Variants in TTLL6 observed in about 807,000 individuals in gnomAD.
TTLL6 encodes the protein tubulin tyrosine ligase like 6.
A neutral mutation model predicts 96.4 loss-of-function variants in TTLL6; 75 were observed. The observed-to-expected ratio is 0.78, with a 90% CI of 0.65 to 0.94. The LOEUF is 0.94. Ranked by LOEUF, TTLL6 falls within the 40% of genes least tolerant of loss-of-function variation. TTLL6 has a pLI of 0.00. For missense variants in TTLL6, 1,030 were observed against 1,093.0 expected (o/e 0.94, Z 0.81); for synonymous variants, 411 against 419.4 (o/e 0.98, Z 0.24).
rs553338784 is a variant in TTLL6 at position 48,762,635 on chromosome 17, C to T, written c.*339G>A. ...GAGTCCTTCTCTGAAACACTACTCC[C>T]GAAGTTGCTTTATCTGGGGGAGTAT... On this transcript the variant is annotated 3_prime_UTR_variant, in exon 16 of 16. Transcript: ENST00000393382. The T allele has an allele frequency of 1.9e-5, 4 of 214,026 alleles. No individual in the cohort carries two copies. The South Asian group carries it at 1.9e-4, about 10-fold the overall frequency. The allele number at this position is 214,026 out of a possible 1,614,324, so 13.3% of individuals were successfully genotyped here.
chr17:48,784,727 C>T (rs533380497), intron 13 of TTLL6, among the ~76,000 whole-genome samples, 196 bp downstream of exon 13: 4 of 152,154 alleles, frequency 2.6e-5, no homozygotes, highest in South Asian at 2.1e-4. Flanking sequence ...CAAGAGGGGA[C>T]GCACAAGAGC....
chr17:48,802,031 G>A (rs1290319326), intron 3 of TTLL6, among the ~76,000 whole-genome samples: 1 of 144,490 alleles, frequency 6.9e-6, no homozygotes, highest in Non-Finnish European at 1.5e-5. Context: ...GGCAACAGGA[G>A]ACCCTGTCAA....
At chr17:48,776,242 G>A (rs1053323521) in intron 13 of TTLL6, among the ~76,000 whole-genome samples, 7 of 152,104 alleles carry the variant, frequency 4.6e-5, no homozygotes, top group Admixed American at 6.5e-5. Context: ...CAAGGTGGGC[G>A]GATCACGAGG....
At chr17:48,797,351 C>A in intron 6 of TTLL6, 147 bp from the exon 7 acceptor site, 4 of 854,624 alleles carry the variant, frequency 4.7e-6, no homozygotes, top group Non-Finnish European at 7.0e-6. Flanking sequence ...GAGAGAGGAA[C>A]AAGGAGACTT....
intron 13 of TTLL6, among the ~76,000 whole-genome samples, chr17:48,778,335 GAAA>G (rs1293009761): frequency 0.022 from 1,663 of 76,674 alleles, 38 homozygotes; most frequent in African/African-American, 0.077. Context: ...GAGGGAGGGA[GAAA>G]GGAAGGAAGG....
rs532271487 is a variant in TTLL6 at position 48,803,428 on chromosome 17, A to G, written c.361+463T>C. Reference sequence around the variant, plus strand: ...GGAGAATCACTTAAACCTAGGAGGTAGAGGTTGCAATGAGCTGAGATCACG... The same window carrying G: ...GGAGAATCACTTAAACCTAGGAGGTGGAGGTTGCAATGAGCTGAGATCACG... On this transcript the variant is annotated intron_variant, in intron 3 of 15. Transcript: ENST00000393382. Among the ~76,000 whole-genome samples, 9 of 150,256 alleles carry G rather than the reference A, an allele frequency of 6.0e-5. No individual in the cohort carries two copies. The East Asian group carries it at 1.8e-3, about 30-fold the overall frequency.
chr17:48,778,758 C>T (rs1240316595), intron 13 of TTLL6, among the ~76,000 whole-genome samples: 1 of 151,028 alleles, frequency 6.6e-6, no homozygotes, highest in Non-Finnish European at 1.5e-5. Context: ...AGTGAAACCC[C>T]GTCTCTACTA....
intron 15 of TTLL6, among the ~76,000 whole-genome samples, chr17:48,765,105 C>CT (rs1229618584): frequency 1.3e-5 from 2 of 152,118 alleles, no homozygotes; most frequent in South Asian, 2.1e-4. Flanking sequence ...TGAGTATCAG[C>CT]TTTTTTTTCT....
intron 13 of TTLL6, among the ~76,000 whole-genome samples, chr17:48,783,578 T>C (rs914761061): frequency 1.3e-5 from 2 of 151,990 alleles, no homozygotes; most frequent in Non-Finnish European, 2.9e-5. Flanking sequence ...ATTACAGGCA[T>C]GCACCATCAC....
At chr17:48,792,147 A>G (rs1263836543) in intron 8 of TTLL6, among the ~76,000 whole-genome samples, 1 of 152,178 alleles carries the variant, frequency 6.6e-6, no homozygotes, top group Non-Finnish European at 1.5e-5. Flanking sequence ...TGCCAGGCAA[A>G]CTGGACTGTC....
chr17:48,792,640 C>T (rs1054708203), intron 8 of TTLL6, among the ~76,000 whole-genome samples: 3 of 152,140 alleles, frequency 2.0e-5, no homozygotes, highest in Non-Finnish European at 4.4e-5. Context: ...GAAACTGTCA[C>T]CTCTGTCATG....
chr17:48,782,680 T>A (rs559787637), intron 13 of TTLL6, among the ~76,000 whole-genome samples: 3 of 152,292 alleles, frequency 2.0e-5, no homozygotes, highest in African/African-American at 7.2e-5. Flanking sequence ...AAATCATGAA[T>A]TAATCTGGTA....
At chr17:48,763,777 C>T (rs988394843) in intron 15 of TTLL6, among the ~76,000 whole-genome samples, 24 of 151,706 alleles carry the variant, frequency 1.6e-4, no homozygotes, top group Admixed American at 9.2e-4. Context: ...CCAGCCTGAG[C>T]GACAGAGCAA....
rs952262909 is a variant in TTLL6, at chr17:48,798,704, G to A, written c.768+900C>T. Among the ~76,000 whole-genome samples, 20 of 151,814 alleles carry A rather than the reference G, an allele frequency of 1.3e-4. No homozygotes were observed. In the South Asian group the frequency reaches 2.1e-3, roughly 16 times the overall value. ...CAATGAGCTATGATTGTGCCACTGC[G>A]CTCCAGCCAGAGTGACAGAGCAAGA... On this transcript the variant is annotated intron_variant, in intron 6 of 15. Transcript: ENST00000393382.
chr17:48,791,326 G>T, intron 9 of TTLL6, 52 bp downstream of exon 9: 1 of 1,509,636 alleles, frequency 6.6e-7, no homozygotes, highest in Non-Finnish European at 9.2e-7. Flanking sequence ...CTTGAAGCGG[G>T]CTGGCCCCAA....
intron 1 of TTLL6, among the ~76,000 whole-genome samples, chr17:48,808,808 C>T (rs1335685467): frequency 1.3e-5 from 2 of 152,006 alleles, no homozygotes; most frequent in Admixed American, 6.6e-5. Flanking sequence ...TGACCTCAAA[C>T]GATCTGCCCG....
intron 1 of TTLL6, among the ~76,000 whole-genome samples, chr17:48,811,695 CTTTT>C (rs34983566): frequency 4.2e-5 from 5 of 119,008 alleles, no homozygotes; most frequent in Non-Finnish European, 1.7e-5. Flanking sequence ...GAGCAGAAAG[CTTTT>C]TTTTTTTTTT....
intron 15 of TTLL6, among the ~76,000 whole-genome samples, chr17:48,766,384 C>T (rs535470420): frequency 1.3e-5 from 2 of 152,290 alleles, no homozygotes; most frequent in African/African-American, 2.4e-5. Context: ...GGATGCTGTG[C>T]CTGGCCTTTT....
In TTLL6 at chr17:48,770,872, C is replaced by G. The variant is rs368331169; in HGVS notation, c.2041-775G>C. Among the ~76,000 whole-genome samples, 22 of 147,980 alleles carry G rather than the reference C, an allele frequency of 1.5e-4. No homozygotes were observed. In the East Asian group the frequency reaches 3.6e-3, roughly 24 times the overall value. ...GGCAGAGGTTGCAGTGAGCCGAGAT[C>G]ACACCATTGTCCTCCAGCCTGGGTG... On this transcript the variant is annotated intron_variant, in intron 13 of 15. Transcript: ENST00000393382.
Sources: allele counts gnomAD v4.1 joint callset (sites outside exome capture counted in the v4.1 genomes callset), GRCh38; gene constraint gnomAD v4.1.1; transcripts MANE v1.5; gene names NCBI Gene and HGNC (gene_info 2026-07-23, HGNC 2026-07-21).